Variants in JAK2 observed in about 807,000 individuals in gnomAD.
JAK2 encodes the protein Janus kinase 2.
A neutral mutation model predicts 139.3 loss-of-function variants in JAK2; 86 were observed. That is an observed-to-expected ratio of 0.62 (90% confidence interval 0.52 to 0.74). The LOEUF is 0.74. Ranked by LOEUF, JAK2 falls within the 30% of genes least tolerant of loss-of-function variation. JAK2 has a pLI of 0.00. For synonymous variants in JAK2, 490 were observed against 437.7 expected, an observed-to-expected ratio of 1.12 and a Z score of -1.49; for missense variants, 1,421 against 1,360.3, an observed-to-expected ratio of 1.04 and a Z score of -0.70.
intron 4 of JAK2, among the ~76,000 whole-genome samples, chr9:5,033,209 G>A (rs1397645142): frequency 2.0e-5 from 3 of 152,086 alleles, no homozygotes; most frequent in Non-Finnish European, 2.9e-5. Context: ...AGGAATAAAA[G>A]GAAACAAACA....
chr9:5,071,514 A>C (rs928752490), intron 12 of JAK2, among the ~76,000 whole-genome samples: 2 of 152,208 alleles, frequency 1.3e-5, no homozygotes, highest in Non-Finnish European at 2.9e-5. Flanking sequence ...AAATATCCTC[A>C]TTGACATTAA....
At chr9:5,062,757 T>C (rs1290948488) in intron 8 of JAK2, among the ~76,000 whole-genome samples, 1 of 152,128 alleles carries the variant, frequency 6.6e-6, no homozygotes, top group Non-Finnish European at 1.5e-5. Flanking sequence ...TTAATTTTTC[T>C]GCCAAATCAA....
chr9:5,087,022 T>TCAAA (rs1344710610), intron 19 of JAK2, among the ~76,000 whole-genome samples: 1 of 152,180 alleles, frequency 6.6e-6, no homozygotes, highest in African/African-American at 2.4e-5. Flanking sequence ...CTTCCATCCC[T>TCAAA]CAAACACTAA....
rs1216236752 is a variant in JAK2 at position 5,128,345 on chromosome 9, CAG to C, written c.*1555_*1556del. The stretch of plus-strand genomic sequence containing the variant: ...TGGATGCAGAAATCATCTAAAATGA[CAG>C]TGAATTAGGTTTTAAAAAGATTTTA... On this transcript the variant is annotated 3_prime_UTR_variant, in exon 25 of 25. Coordinates refer to ENST00000381652, the MANE Select transcript of JAK2 (RefSeq NM_004972.4). Among the ~76,000 whole-genome samples, 2 of 151,614 alleles carry C rather than the reference CAG, an allele frequency of 1.3e-5. No homozygotes were observed. The highest frequency in any genetic ancestry group is 2.4e-5 in the African/African-American group (1 of 41,356).
chr9:5,090,004 T>A, intron 20 of JAK2, 141 bp downstream of exon 20: 1 of 482,294 alleles, frequency 2.1e-6, no homozygotes, highest in Non-Finnish European at 3.4e-6. Flanking sequence ...AGAGATTGTG[T>A]TTGGTGATCA....
At chr9:5,121,621 C>A (rs556378054) in intron 22 of JAK2, among the ~76,000 whole-genome samples, 1 of 152,192 alleles carries the variant, frequency 6.6e-6, no homozygotes, top group South Asian at 2.1e-4. Flanking sequence ...ATTCATGGGT[C>A]ACAAAACTGG....
rs1408774135 is a variant in JAK2 at position 5,126,823 on chromosome 9, G to A, written c.*32G>A. 10 of 1,352,352 alleles carry A rather than the reference G, an allele frequency of 7.4e-6. No homozygotes were observed. In the East Asian group the frequency reaches 9.2e-5, roughly 12 times the overall value. 83.8% of individuals were successfully genotyped at this position (1,352,352 alleles called of 1,614,324 possible). ...TGACCTTCATTCTGAGACCAAAGTA[G>A]ATTTACAGAACAAAGTTTTATATTT... On this transcript the variant is annotated 3_prime_UTR_variant, in exon 25 of 25. Coordinates refer to ENST00000381652, the MANE Select transcript of JAK2 (RefSeq NM_004972.4).
chr9:4,990,038 G>C (rs970525799), intron 2 of JAK2, among the ~76,000 whole-genome samples: 2 of 152,200 alleles, frequency 1.3e-5, no homozygotes, highest in Admixed American at 6.5e-5. Flanking sequence ...ATGGTAGAAA[G>C]AGGTAGGAAA....
At chr9:5,048,241 A>C (rs1343413412) in intron 5 of JAK2, among the ~76,000 whole-genome samples, 1 of 151,940 alleles carries the variant, frequency 6.6e-6, no homozygotes, top group Non-Finnish European at 1.5e-5. Context: ...TCCCAGGTTC[A>C]AGTGATTCTC....
intron 10 of JAK2, among the ~76,000 whole-genome samples, chr9:5,067,080 C>G (rs1818621327): frequency 6.6e-6 from 1 of 151,922 alleles, no homozygotes; most frequent in African/African-American, 2.4e-5. Flanking sequence ...CATCAAGTGT[C>G]TTGATGTTTC....
At chr9:5,046,906 G>A (rs1817046761) in intron 5 of JAK2, among the ~76,000 whole-genome samples, 1 of 152,120 alleles carries the variant, frequency 6.6e-6, no homozygotes, top group Non-Finnish European at 1.5e-5. Context: ...CCATTTATAA[G>A]CCAAGTTTTC....
Position 5,013,726 on chromosome 9 carries a change from G to A in JAK2, c.-25-8237G>A, listed in dbSNP as rs183362981. Among the ~76,000 whole-genome samples, 58 of 152,088 alleles carry A rather than the reference G, an allele frequency of 3.8e-4. 1 individual carries two copies. The East Asian group carries it at 9.6e-3, about 25-fold the overall frequency. On this transcript the variant is annotated intron_variant, in intron 2 of 24. Transcript: ENST00000381652. ...TGTGAAACTTCTAAAACCTTTCTTT[G>A]TTTTAAATAATTATGATCATTTTCT...
At chr9:4,998,462 G>A (rs1391967100) in intron 2 of JAK2, among the ~76,000 whole-genome samples, 5 of 151,962 alleles carry the variant, frequency 3.3e-5, no homozygotes, top group Admixed American at 2.6e-4. Context: ...TCACCATGTT[G>A]GTCAGGCTGG....
At chr9:5,087,662 T>G (rs950068905) in intron 19 of JAK2, among the ~76,000 whole-genome samples, 6 of 152,212 alleles carry the variant, frequency 3.9e-5, no homozygotes, top group African/African-American at 1.4e-4. Context: ...ATAATGATCA[T>G]TGTTGGCAGG....
At chr9:5,007,338 C>A (rs1281674357) in intron 2 of JAK2, among the ~76,000 whole-genome samples, 1 of 152,018 alleles carries the variant, frequency 6.6e-6, no homozygotes, top group Non-Finnish European at 1.5e-5. Flanking sequence ...ACCATGGGTT[C>A]TATGAAAATA....
At chr9:5,055,130 C>G (rs1388649478) in intron 7 of JAK2, among the ~76,000 whole-genome samples, 2 of 151,828 alleles carry the variant, frequency 1.3e-5, no homozygotes, top group African/African-American at 4.8e-5. Context: ...AGAAAGATGT[C>G]AAATTCTAAA....
At chr9:5,041,718 G>A (rs2130291043) in intron 4 of JAK2, 2 of 501,258 alleles carry the variant, frequency 4.0e-6, no homozygotes, top group South Asian at 3.0e-5. Flanking sequence ...TGAGTACGAG[G>A]GGCTCGGGAA....
intron 22 of JAK2, chr9:5,111,120 C>A: frequency 8.3e-7 from 1 of 1,201,040 alleles, no homozygotes; most frequent in Non-Finnish European, 1.2e-6. Context: ...CCTCCTTTGA[C>A]CCCAGCTGGA....
chr9:5,061,091 G>A (rs941402726), intron 8 of JAK2, among the ~76,000 whole-genome samples: 23 of 152,324 alleles, frequency 1.5e-4, no homozygotes, highest in African/African-American at 5.3e-4. Flanking sequence ...AGTAAACCAT[G>A]CTATAAACAA....
Sources: allele counts gnomAD v4.1 joint callset (sites outside exome capture counted in the v4.1 genomes callset), GRCh38; gene constraint gnomAD v4.1.1; transcripts MANE v1.5; gene names NCBI Gene and HGNC (gene_info 2026-07-23, HGNC 2026-07-21).